The following KCNMB4 variants were observed in gnomAD, a reference collection of about 807,000 sequenced individuals.
KCNMB4 encodes the protein potassium calcium-activated channel subfamily M regulatory beta subunit 4, also known as calcium-activated potassium channel subunit beta-4.
KCNMB4 carries 3 observed loss-of-function variants against 20.7 expected under a neutral mutation model. The ratio of observed to expected loss-of-function variants is 0.14; its 90% CI spans 0.07 to 0.37. KCNMB4 has a LOEUF of 0.37. KCNMB4 is among the 10% of genes least tolerant of loss of function. The pLI is 1.00. For synonymous variants in KCNMB4, 110 were observed against 113.4 expected, an observed-to-expected ratio of 0.97 and a Z score of 0.19; for missense variants, 168 against 265.9, an observed-to-expected ratio of 0.63 and a Z score of 2.56.
At chr12:70,408,127 C>T (rs921467739) in intron 2 of KCNMB4, among the ~76,000 whole-genome samples, 1 of 150,158 alleles carries the variant, frequency 6.7e-6, no homozygotes, top group African/African-American at 2.5e-5. Flanking sequence ...TAGATAGAAG[C>T]GGGGGTGGTC....
intron 2 of KCNMB4, among the ~76,000 whole-genome samples, chr12:70,414,449 A>C (rs1233424137): frequency 6.6e-6 from 1 of 152,164 alleles, no homozygotes; most frequent in Non-Finnish European, 1.5e-5. Context: ...GAGCAGTGTC[A>C]GGATCTGCAC....
chr12:70,401,506 CAT>C (rs1224931365), intron 2 of KCNMB4, among the ~76,000 whole-genome samples: 6 of 152,190 alleles, frequency 3.9e-5, no homozygotes, highest in Non-Finnish European at 8.8e-5. Context: ...CTTTCTAACA[CAT>C]GAGTCTAATC....
chr12:70,396,549 G>T (rs1035420549), intron 1 of KCNMB4, among the ~76,000 whole-genome samples: 8 of 152,084 alleles, frequency 5.3e-5, no homozygotes, highest in African/African-American at 1.9e-4. Flanking sequence ...CAAGTGATCT[G>T]CCCGCCTCAA....
chr12:70,430,721 A>G lies in KCNMB4; in HGVS notation c.*68A>G. On this transcript the variant is annotated 3_prime_UTR_variant, in exon 3 of 3. Transcript: ENST00000258111. ...TCATCGGCACGCGTCCACCTGCGGA[A>G]CCTGTGTTTCCTGGCGCAGGAGATG... 2 of 1,441,898 alleles carry G rather than the reference A, an allele frequency of 1.4e-6. No individual in the cohort carries two copies. Among genetic ancestry groups the G allele is most frequent in the Admixed American group, 2.8e-5 (1 of 35,382 alleles). The allele number at this position is 1,441,898 out of a possible 1,614,324, so 89.3% of individuals were successfully genotyped here.
At chr12:70,428,412 G>A (rs1232289573) in intron 2 of KCNMB4, among the ~76,000 whole-genome samples, 1 of 152,186 alleles carries the variant, frequency 6.6e-6, no homozygotes, top group African/African-American at 2.4e-5. Flanking sequence ...AGATTATGGA[G>A]GAGCATAATA....
intron 1 of KCNMB4, among the ~76,000 whole-genome samples, chr12:70,375,010 C>T (rs920258064): frequency 6.6e-6 from 1 of 152,122 alleles, no homozygotes; most frequent in Admixed American, 6.6e-5. Flanking sequence ...CAATAATACT[C>T]TATAGTGAGT....
At chr12:70,392,050 C>A (rs992808650) in intron 1 of KCNMB4, among the ~76,000 whole-genome samples, 3 of 152,118 alleles carry the variant, frequency 2.0e-5, no homozygotes, top group African/African-American at 7.2e-5. Flanking sequence ...GCTTGTTGAT[C>A]CCCTTCATGC....
chr12:70,396,736 G>A (rs1376622185), intron 1 of KCNMB4, among the ~76,000 whole-genome samples: 2 of 152,170 alleles, frequency 1.3e-5, no homozygotes, highest in Non-Finnish European at 1.5e-5. Context: ...TGATGATGAC[G>A]TTACCATGTA....
chr12:70,420,394 TG>T (rs1056010500), intron 2 of KCNMB4, among the ~76,000 whole-genome samples: 6 of 152,086 alleles, frequency 3.9e-5, no homozygotes, highest in Admixed American at 1.3e-4. Context: ...AATGCAATCA[TG>T]GGATACTTAT....
chr12:70,426,985 T>C (rs1229908631), intron 2 of KCNMB4, among the ~76,000 whole-genome samples: 1 of 152,206 alleles, frequency 6.6e-6, no homozygotes, highest in Non-Finnish European at 1.5e-5. Context: ...GAGAAATCTC[T>C]TGCTTGCTTT....
chr12:70,370,979 C>T (rs1430344467), intron 1 of KCNMB4, among the ~76,000 whole-genome samples: 3 of 152,140 alleles, frequency 2.0e-5, no homozygotes, highest in Non-Finnish European at 4.4e-5. Flanking sequence ...GCATCAGCCA[C>T]CCAAGTAGCT....
intron 2 of KCNMB4, among the ~76,000 whole-genome samples, chr12:70,417,908 G>A (rs1352498530): frequency 1.3e-5 from 2 of 152,138 alleles, no homozygotes; most frequent in Admixed American, 6.5e-5. Flanking sequence ...TGAGACCACC[G>A]ACCATTCTTT....
At chr12:70,426,865 G>A (rs1345838077) in intron 2 of KCNMB4, among the ~76,000 whole-genome samples, 1 of 152,160 alleles carries the variant, frequency 6.6e-6, no homozygotes, top group African/African-American at 2.4e-5. Context: ...TCAGGGTAGT[G>A]CCAGTGCTTA....
intron 1 of KCNMB4, among the ~76,000 whole-genome samples, chr12:70,375,465 A>G (rs190342704): frequency 7.6e-6 from 1 of 131,458 alleles, no homozygotes; most frequent in Non-Finnish European, 1.6e-5. Context: ...CCAAGACCAC[A>G]TCTCTACAAA....
chr12:70,427,846 G>T (rs1312017911), intron 2 of KCNMB4, among the ~76,000 whole-genome samples: 1 of 152,134 alleles, frequency 6.6e-6, no homozygotes, highest in Non-Finnish European at 1.5e-5. Context: ...TTCAACATCA[G>T]TTAAGAGTGA....
intron 1 of KCNMB4, among the ~76,000 whole-genome samples, chr12:70,383,241 G>A (rs923170050): frequency 1.3e-5 from 2 of 152,068 alleles, no homozygotes; most frequent in Admixed American, 6.5e-5. Context: ...AAAACATCAC[G>A]TTATATACCT....
At chr12:70,409,350 C>G (rs181389544) in intron 2 of KCNMB4, among the ~76,000 whole-genome samples, 2 of 152,322 alleles carry the variant, frequency 1.3e-5, no homozygotes, top group East Asian at 3.9e-4. Flanking sequence ...CTGTCATCCA[C>G]ACCACGCTAG....
chr12:70,418,071 C>G (rs906767671), intron 2 of KCNMB4, among the ~76,000 whole-genome samples: 1 of 152,120 alleles, frequency 6.6e-6, no homozygotes, highest in Non-Finnish European at 1.5e-5. Flanking sequence ...CTTATTTTGT[C>G]TGTGCACATC....
chr12:70,389,486 G>C (rs1868282999), intron 1 of KCNMB4, among the ~76,000 whole-genome samples: 1 of 152,128 alleles, frequency 6.6e-6, no homozygotes. Context: ...TTGAGCCCAG[G>C]AGTTTGGGAC....
Sources: allele counts gnomAD v4.1 joint callset (sites outside exome capture counted in the v4.1 genomes callset), GRCh38; gene constraint gnomAD v4.1.1; transcripts MANE v1.5; gene names NCBI Gene and HGNC (gene_info 2026-07-23, HGNC 2026-07-21).